Variants in EGF observed in about 807,000 individuals in gnomAD.
EGF encodes epidermal growth factor.
Under a neutral mutation model 143.8 loss-of-function variants are expected in EGF, and 95 were observed. The ratio of observed to expected loss-of-function variants is 0.66; its 90% CI spans 0.56 to 0.78. EGF has a LOEUF of 0.78. Among genes scored for constraint, EGF ranks in the 30% least tolerant of loss-of-function variants. The pLI, the probability that EGF is intolerant of heterozygous loss-of-function variation, is 0.00. For synonymous variants in EGF, 510 were observed against 510.5 expected (o/e 1.00, Z 0.01); for missense variants, 1,320 against 1,470.9 (o/e 0.90, Z 1.68).
intron 11 of EGF, among the ~76,000 whole-genome samples, chr4:109,970,640 C>A (rs1172330904): frequency 3.9e-5 from 6 of 152,076 alleles, no homozygotes; most frequent in East Asian, 3.9e-4. Flanking sequence ...TCCTGGCTAA[C>A]ATGGTGAAAC....
chr4:109,929,218 G>A (rs1739264175), intron 1 of EGF, among the ~76,000 whole-genome samples: 1 of 152,014 alleles, frequency 6.6e-6, no homozygotes, highest in African/African-American at 2.4e-5. Flanking sequence ...TAAAAGCTAG[G>A]GTCTGTGTTG....
In EGF at chr4:109,980,966, C is replaced by T. The variant is rs376855018; in HGVS notation, c.2362C>T (p.Leu788=). ...GTGTCTGGCTCTGGATGGTCATCAG[C>T]TGTTGGCAGGTAATATAATAAATTA... ...KTCLALDGHQ[L]LAGGEVDLKN... Residue 788 remains leucine (L), a synonymous_variant, in exon 15 of 24, where the codon CTG becomes TTG. Transcript: ENST00000265171. The T allele has an allele frequency of 1.2e-4, 192 of 1,613,962 alleles. No homozygotes were observed. The highest frequency in any genetic ancestry group is 1.7e-4 in the Admixed American group (10 of 59,990).
chr4:109,948,486 A>AT (rs993122018), intron 5 of EGF, among the ~76,000 whole-genome samples: 15 of 150,904 alleles, frequency 9.9e-5, no homozygotes, highest in South Asian at 2.1e-4. Context: ...CATCCTTCGG[A>AT]TTTTTTTTTG....
At chr4:109,952,765 T>C (rs1744156972) in intron 5 of EGF, among the ~76,000 whole-genome samples, 1 of 152,212 alleles carries the variant, frequency 6.6e-6, no homozygotes, top group Admixed American at 6.5e-5. Flanking sequence ...GCAGCAAGCA[T>C]AGGATTGGTT....
chr4:109,966,638 CA>C (rs1188261261), intron 10 of EGF, among the ~76,000 whole-genome samples: 6 of 152,072 alleles, frequency 3.9e-5, no homozygotes, highest in African/African-American at 1.4e-4. Context: ...TAGAGGATTG[CA>C]AATTTACATT....
intron 1 of EGF, among the ~76,000 whole-genome samples, chr4:109,926,424 G>T (rs1457374366): frequency 6.8e-6 from 1 of 147,192 alleles, no homozygotes; most frequent in Non-Finnish European, 1.5e-5. Flanking sequence ...GCGCGATCTC[G>T]TCTCACTGCA....
rs11568887 is a variant in EGF at position 109,941,375 on chromosome 4, T to C, written c.327+230T>C. Among the ~76,000 whole-genome samples the C allele has an allele frequency of 5.8e-4, 89 of 152,334 alleles. 1 individual carries two copies. The highest frequency in any genetic ancestry group is 2.0e-3 in the African/African-American group (83 of 41,574). On this transcript the variant is annotated intron_variant, in intron 2 of 23. Coordinates refer to ENST00000265171, the MANE Select transcript of EGF (RefSeq NM_001963.6). ...GAAAGTGAGGATATGAATGTAATTTTGAAAATATCTGAGTTTATTAAGTCA... is the reference window on the plus strand; with the variant it reads ...GAAAGTGAGGATATGAATGTAATTTCGAAAATATCTGAGTTTATTAAGTCA...
chr4:109,927,102 T>G lies in EGF; in HGVS notation c.127+13640T>G, dbSNP rs183824503. Among the ~76,000 whole-genome samples the G allele has an allele frequency of 1.9e-4, 29 of 152,342 alleles. 1 individual carries two copies. The East Asian group carries it at 3.9e-3, about 20-fold the overall frequency. On this transcript the variant is annotated intron_variant, in intron 1 of 23. Transcript: ENST00000265171. The stretch of plus-strand genomic sequence containing the variant: ...TAGTTTTCATTTACTGTTTAAAATC[T>G]AGAAAGATAGAAATTTGCTGGTCTA...
chr4:109,914,420 T>C (rs527456972), intron 1 of EGF, among the ~76,000 whole-genome samples: 3 of 152,030 alleles, frequency 2.0e-5, no homozygotes, highest in South Asian at 4.1e-4. Context: ...CAATAGGCAA[T>C]AGTTTGAATA....
chr4:109,963,986 C>T (rs550656599), intron 9 of EGF, among the ~76,000 whole-genome samples: 10 of 152,074 alleles, frequency 6.6e-5, no homozygotes, highest in Non-Finnish European at 1.5e-4. Context: ...ATCATTGTGC[C>T]TCCCTTTAAG....
chr4:110,001,918 T>G (rs1200802557), intron 21 of EGF: 1 of 985,310 alleles, frequency 1.0e-6, no homozygotes, highest in Admixed American at 6.1e-5. Flanking sequence ...TTCTGATCAG[T>G]GTACCTGCTT....
At chr4:110,009,579 T>A (rs977765747) in intron 23 of EGF, among the ~76,000 whole-genome samples, 1 of 151,926 alleles carries the variant, frequency 6.6e-6, no homozygotes, top group Non-Finnish European at 1.5e-5. Flanking sequence ...GTTGTTTTTT[T>A]CCCCCCGCAC....
chr4:109,956,482 A>C (rs1744811358), intron 5 of EGF, among the ~76,000 whole-genome samples: 1 of 152,234 alleles, frequency 6.6e-6, no homozygotes, highest in South Asian at 2.1e-4. Flanking sequence ...GTAAAAATAA[A>C]AGTTAAACAC....
chr4:109,919,586 G>GCAGTTTACCTGAT (rs1737417204), intron 1 of EGF, among the ~76,000 whole-genome samples: 1 of 147,432 alleles, frequency 6.8e-6, no homozygotes, highest in African/African-American at 2.7e-5. Context: ...TTCTTAAAGA[G>GCAGTTTACCTGAT]GACTTCAGTA....
At chr4:109,932,380 T>TATATATATATATA (rs1560643531) in intron 1 of EGF, among the ~76,000 whole-genome samples, 13 of 103,780 alleles carry the variant, frequency 1.3e-4, no homozygotes, top group South Asian at 3.1e-4. Context: ...TATATATAAA[T>TATATATATATATA]TTTTTTTTTT....
chr4:109,943,355 A>G lies in EGF; in HGVS notation c.429A>G (p.Thr143=). ...AACAGGAAGGAATCATTACAGTAAC[A>G]GATATGAAAGGAAATAATTCCCACA... is the stretch of plus-strand genomic sequence containing the variant. ...SNQQEGIITV[T]DMKGNNSHIL... is the part of the protein sequence containing the mutation. Residue 143 remains threonine (T), a synonymous_variant, in exon 3 of 24, where the codon ACA becomes ACG. Coordinates refer to ENST00000265171, the MANE Select transcript of EGF (RefSeq NM_001963.6). 1.2e-6 allele frequency: 2 copies of G among 1,613,358 alleles called. No individual in the cohort carries two copies. Among genetic ancestry groups the G allele is most frequent in the Non-Finnish European group, 1.7e-6 (2 of 1,179,428 alleles).
chr4:109,928,206 A>C (rs1045815970), intron 1 of EGF, among the ~76,000 whole-genome samples: 1 of 152,190 alleles, frequency 6.6e-6, no homozygotes, highest in African/African-American at 2.4e-5. Flanking sequence ...AGTCTTTTTC[A>C]ACAAAGGGTG....
At chr4:109,919,407 C>A (rs550968709) in intron 1 of EGF, among the ~76,000 whole-genome samples, 75 of 150,816 alleles carry the variant, frequency 5.0e-4, no homozygotes, top group African/African-American at 1.8e-3. Context: ...TATTCTGAGT[C>A]TGGGAAGGGA....
chr4:109,995,439 T>A (rs1057427423), intron 20 of EGF, among the ~76,000 whole-genome samples: 1 of 152,244 alleles, frequency 6.6e-6, no homozygotes, highest in Non-Finnish European at 1.5e-5. Context: ...TGCTGCTTTT[T>A]GCTCCCTTTT....
Sources: allele counts gnomAD v4.1 joint callset (sites outside exome capture counted in the v4.1 genomes callset), GRCh38; gene constraint gnomAD v4.1.1; transcripts MANE v1.5; gene names NCBI Gene and HGNC (gene_info 2026-07-23, HGNC 2026-07-21).